The following SNAPC1 variants were observed in gnomAD, a reference collection of about 807,000 sequenced individuals.
The protein encoded by SNAPC1 is snRNA-activating protein complex subunit 1.
Under a neutral mutation model 50.1 loss-of-function variants are expected in SNAPC1, and 42 were observed. The ratio of observed to expected loss-of-function variants is 0.84; its 90% CI spans 0.65 to 1.08. The LOEUF (loss-of-function observed/expected upper bound fraction) is 1.08, where lower values mean the gene tolerates loss of function less well. Ranked by LOEUF, SNAPC1 falls within the 50% of genes least tolerant of loss-of-function variation. The probability of loss-of-function intolerance (pLI) is 0.00; values close to 1 mark genes in which losing one functional copy is unlikely to be tolerated. For missense variants in SNAPC1, 477 were observed against 427.3 expected (o/e 1.12, Z -1.02); for synonymous variants, 164 against 144.2 (o/e 1.14, Z -0.98).
At chr14:61,768,818 C>A in intron 4 of SNAPC1, 78 bp downstream of exon 4, 2 of 678,964 alleles carry the variant, frequency 2.9e-6, no homozygotes, top group Non-Finnish European at 5.2e-6. Flanking sequence ...ATACCTTCAT[C>A]TACTGGATAC....
At chr14:61,770,814 A>G (rs1314234927) in intron 4 of SNAPC1, among the ~76,000 whole-genome samples, 1 of 151,794 alleles carries the variant, frequency 6.6e-6, no homozygotes, top group African/African-American at 2.4e-5. Context: ...GGCTCACTGC[A>G]ACCTGCAACC....
At chr14:61,790,207 G>T (rs1446083987) in intron 8 of SNAPC1, among the ~76,000 whole-genome samples, 1 of 152,108 alleles carries the variant, frequency 6.6e-6, no homozygotes, top group Non-Finnish European at 1.5e-5. Context: ...GTATATTGAT[G>T]GAATTTACTT....
chr14:61,784,479 T>C (rs550155879), intron 8 of SNAPC1, among the ~76,000 whole-genome samples: 4 of 152,126 alleles, frequency 2.6e-5, no homozygotes, highest in African/African-American at 7.2e-5. Flanking sequence ...AAAAAAATCC[T>C]CTAGATCAAG....
intron 8 of SNAPC1, among the ~76,000 whole-genome samples, chr14:61,788,951 G>A (rs1464956538): frequency 2.0e-5 from 3 of 152,302 alleles, no homozygotes; most frequent in African/African-American, 7.2e-5. Flanking sequence ...AAGCTAGGGA[G>A]GCTGGGCACG....
chr14:61,774,512 C>T (rs752107198), intron 4 of SNAPC1, among the ~76,000 whole-genome samples: 1 of 152,148 alleles, frequency 6.6e-6, no homozygotes, highest in Non-Finnish European at 1.5e-5. Context: ...CTTTCTCTAT[C>T]ACATGAAGTA....
At position 61,787,313 on chromosome 14, in the gene SNAPC1, A is replaced by G. The variant is rs576136268; in HGVS notation, c.976+4916A>G. On this transcript the variant is annotated intron_variant, in intron 8 of 9. Coordinates refer to ENST00000216294, the MANE Select transcript of SNAPC1 (RefSeq NM_003082.4). ...TTCAATAAACCTGACTGATGGCCAA[A>G]CACGAACAAAAAGAGAGGACATAAG... Among the ~76,000 whole-genome samples the G allele has an allele frequency of 2.6e-5, 4 of 152,364 alleles. No homozygotes were observed. The South Asian group carries it at 8.3e-4, about 32-fold the overall frequency.
Position 61,766,775 on chromosome 14 carries a change from C to T in SNAPC1, c.129-101C>T, listed in dbSNP as rs985522032. 7 of 615,782 alleles carry T rather than the reference C, an allele frequency of 1.1e-5. No homozygotes were observed. The Admixed American group carries it at 1.5e-4, about 13-fold the overall frequency. The allele number at this position is 615,782 out of a possible 1,614,324, so 38.1% of individuals were successfully genotyped here. A position where few individuals can be genotyped will look rare whatever the true frequency, so the allele number is the denominator to read the frequency against. On this transcript the variant is annotated intron_variant, in intron 1 of 9. Coordinates refer to ENST00000216294, the MANE Select transcript of SNAPC1 (RefSeq NM_003082.4). ...ATGAAAGAATCAGGTATGGAATCCT[C>T]ATCAAATTATAACTACCGTTTAAAC...
At chr14:61,773,102 T>C (rs2045005505) in intron 4 of SNAPC1, among the ~76,000 whole-genome samples, 1 of 152,248 alleles carries the variant, frequency 6.6e-6, no homozygotes, top group African/African-American at 2.4e-5. Context: ...TTTCAGAAGA[T>C]CTGAATTCTG....
chr14:61,791,806 G>A (rs1027629706), intron 8 of SNAPC1, among the ~76,000 whole-genome samples: 2 of 151,938 alleles, frequency 1.3e-5, no homozygotes, highest in African/African-American at 4.8e-5. Context: ...CTGGGATTAC[G>A]CCACTGTACT....
intron 1 of SNAPC1, among the ~76,000 whole-genome samples, chr14:61,765,040 ATTTAT>A (rs1036016855): frequency 6.6e-6 from 1 of 152,206 alleles, no homozygotes; most frequent in African/African-American, 2.4e-5. Flanking sequence ...ACTTTGAGAC[ATTTAT>A]TTTAGCTAAT....
chr14:61,783,016 CA>C (rs763008710), intron 8 of SNAPC1, among the ~76,000 whole-genome samples: 27 of 125,942 alleles, frequency 2.1e-4, no homozygotes, highest in Middle Eastern at 8.9e-3. Context: ...TTTTCCAGTG[CA>C]TTTTTTTTTT....
intron 4 of SNAPC1, among the ~76,000 whole-genome samples, chr14:61,770,438 T>G (rs1211469705): frequency 2.6e-5 from 4 of 152,064 alleles, no homozygotes; most frequent in Non-Finnish European, 5.9e-5. Flanking sequence ...GAGGTGAGGT[T>G]TCACTGTGTT....
At chr14:61,786,761 G>A (rs1016770730) in intron 8 of SNAPC1, among the ~76,000 whole-genome samples, 2 of 152,226 alleles carry the variant, frequency 1.3e-5, no homozygotes, top group African/African-American at 4.8e-5. Context: ...AGGTAAACGT[G>A]TACTTACCAT....
rs567067271 is a variant in SNAPC1 at position 61,783,413 on chromosome 14, C to G, written c.976+1016C>G. On this transcript the variant is annotated intron_variant, in intron 8 of 9. Coordinates refer to ENST00000216294, the MANE Select transcript of SNAPC1 (RefSeq NM_003082.4). ...AGATATAAATAATGCATTCTATAAA[C>G]CATGTTTCTTTTTAGCTGTATTAAG... Among the ~76,000 whole-genome samples the G allele has an allele frequency of 1.0e-3, 159 of 151,762 alleles. 1 individual carries two copies. Among genetic ancestry groups the G allele is most frequent in the African/African-American group, 3.6e-3 (148 of 41,398 alleles).
intron 7 of SNAPC1, among the ~76,000 whole-genome samples, chr14:61,781,245 C>T (rs185104849): frequency 1.7e-4 from 26 of 152,008 alleles, no homozygotes; most frequent in Admixed American, 4.6e-4. Context: ...GTCAGGAGAT[C>T]GAAACCATCC....
At position 61,774,315 on chromosome 14, in the gene SNAPC1, A is replaced by G. The variant is rs368482642; in HGVS notation, c.535-1780A>G. 1.1e-3 allele frequency among the ~76,000 whole-genome samples: 163 copies of G among 151,888 alleles called. 5 individuals are homozygous for G. The South Asian group carries it at 0.032, about 30-fold the overall frequency. The stretch of plus-strand genomic sequence containing the variant: ...CTGTGCCTGGCTTCTTTAATCTTCT[A>G]TAGTGCTTTACATTCTACTGAATAC... On this transcript the variant is annotated intron_variant, in intron 4 of 9. Coordinates refer to ENST00000216294, the MANE Select transcript of SNAPC1 (RefSeq NM_003082.4).
chr14:61,775,473 C>T (rs150807029), intron 4 of SNAPC1, among the ~76,000 whole-genome samples: 8,797 of 152,130 alleles, frequency 0.058, 384 homozygotes, highest in Non-Finnish European at 0.087. Context: ...CCAGTCTGGT[C>T]TTGAACTCCT....
Position 61,782,355 on chromosome 14 carries a change from A to G in SNAPC1, c.934A>G (p.Arg312Gly), listed in dbSNP as rs35009885. The change falls in exon 8 of 10, where the codon AGA becomes GGA. Residue 312 changes from arginine (R) to glycine (G), a missense_variant. Physicochemically the swap from Arg to Gly is moderately radical, Grantham distance 125. Coordinates refer to ENST00000216294, the MANE Select transcript of SNAPC1 (RefSeq NM_003082.4). ...KATRKKEKKE[R>G]LKPAGRKMSL... ...AACTAGGAAAAAAGAGAAGAAAGAA[A>G]GATTGAAACCAGCAGGAAGGAAGAT... 15,020 of 1,613,548 alleles carry G rather than the reference A, an allele frequency of 9.3e-3. 85 individuals are homozygous for G. The highest frequency in any genetic ancestry group is 0.01 in the Non-Finnish European group (11,825 of 1,179,730).
chr14:61,767,345 C>A lies in SNAPC1; in HGVS notation c.422C>A (p.Pro141His). ...AGAGCATTTCACTTTACAGCAATGC[C>A]CAAATTGGTATGTTGCCTAAAATAA... is the stretch of plus-strand genomic sequence containing the variant. Reference protein sequence around the residue: ...LDRAFHFTAMPKLLSYRMKKK... With the variant: ...LDRAFHFTAMHKLLSYRMKKK... Residue 141 changes from proline to histidine, a missense_variant, in exon 3 of 10, where the codon CCC becomes CAC. Transcript: ENST00000216294. The A allele has an allele frequency of 6.9e-7, 1 of 1,456,230 alleles. No individual in the cohort carries two copies. The highest frequency in any genetic ancestry group is 9.1e-7 in the Non-Finnish European group (1 of 1,098,348). The allele number at this position is 1,456,230 out of a possible 1,614,324, so 90.2% of individuals were successfully genotyped here. A position where few individuals can be genotyped will look rare whatever the true frequency, so the allele number is the denominator to read the frequency against.
Sources: gnomAD v4.1 joint callset for allele counts (sites outside exome capture counted in the v4.1 genomes callset) on GRCh38, gnomAD v4.1.1 for gene constraint, MANE v1.5 for transcripts, NCBI Gene and HGNC (gene_info 2026-07-23, HGNC 2026-07-21) for gene names.